ANK1: variants seen among roughly 807,000 people sequenced by gnomAD.
ANK1 encodes the protein ankyrin 1, also known as ankyrin-1.
Under a neutral mutation model 210.4 loss-of-function variants are expected in ANK1, and 51 were observed. The ratio of observed to expected loss-of-function variants is 0.24; its 90% CI spans 0.19 to 0.31. ANK1 has a LOEUF of 0.31. Among genes scored for constraint, ANK1 ranks in the 10% least tolerant of loss-of-function variants. ANK1 has a pLI of 1.00. For missense variants in ANK1, 2,051 were observed against 2,504.4 expected, an observed-to-expected ratio of 0.82 and a Z score of 3.86; for synonymous variants, 967 against 1,025.9, an observed-to-expected ratio of 0.94 and a Z score of 1.10.
At chr8:41,797,712 G>A (rs1849052999), upstream of ANK1, 5 of 1,013,248 alleles carry the variant, frequency 4.9e-6, no homozygotes, top group Non-Finnish European at 2.7e-6. This position sits in a 1 kb window ranked among gnomAD's most constrained non-coding sequence, Gnocchi z 4.0. Context: ...CGGCACGGGC[G>A]GGCGGAGGGG....
At chr8:41,840,029 T>A (rs1486071152) in intron 1 of ANK1, 2 of 152,174 alleles carry the variant, frequency 1.3e-5, no homozygotes, top group African/African-American at 2.4e-5. Flanking sequence ...ACTTGTTTTT[T>A]TTTTCTTTTA....
intron 37 of ANK1, among the ~76,000 whole-genome samples, chr8:41,677,881 C>T (rs978624055): frequency 3.9e-5 from 6 of 152,108 alleles, no homozygotes; most frequent in Non-Finnish European, 5.9e-5. Flanking sequence ...TGAACCACTG[C>T]ACCTGGCCTT....
At chr8:41,701,747 C>T in intron 21 of ANK1, 125 bp from the exon 22 acceptor site, 2 of 1,042,426 alleles carry the variant, frequency 1.9e-6, no homozygotes, top group East Asian at 2.6e-5. Flanking sequence ...ACGGAGGAGG[C>T]GCTCAGCCTG....
At chr8:41,736,719 C>A (rs1683569067) in intron 2 of ANK1, among the ~76,000 whole-genome samples, 1 of 152,238 alleles carries the variant, frequency 6.6e-6, no homozygotes, top group South Asian at 2.1e-4. Context: ...ATAGCTAATG[C>A]TTGCCGCTAA....
chr8:41,887,629 A>G (rs1818689266), intron 1 of ANK1, among the ~76,000 whole-genome samples: 2 of 152,204 alleles, frequency 1.3e-5, no homozygotes, highest in Non-Finnish European at 2.9e-5. Flanking sequence ...AACACACATG[A>G]CAAAGATGAC....
chr8:41,688,004 C>CT (rs375739022), intron 35 of ANK1, 152 bp downstream of exon 35: 3 of 956,018 alleles, frequency 3.1e-6, no homozygotes, highest in South Asian at 1.4e-5. Context: ...AATGGTGTGG[C>CT]TTGGGCAGCA....
In ANK1 at chr8:41,704,493, A is replaced by G. The variant is rs774713603; in HGVS notation, c.2098-21T>C. On this transcript the variant is annotated intron_variant, in intron 18 of 42. Coordinates refer to ENST00000289734, the MANE Select transcript of ANK1 (RefSeq NM_000037.4). The surrounding 1 kb of genome is among the most constrained non-coding windows in gnomAD (Gnocchi z 4.1). ...CCCATCTGAAAAGCAGATGAGAAGG[A>G]GTGACCGGAGCTGTCCTGAGCTGGG... 1.3e-6 allele frequency: 2 copies of G among 1,598,812 alleles called. No homozygotes were observed. The highest frequency in any genetic ancestry group is 4.5e-5 in the East Asian group (2 of 44,784).
At chr8:41,677,572 TTC>T (rs1299828083) in intron 37 of ANK1, among the ~76,000 whole-genome samples, 3 of 148,036 alleles carry the variant, frequency 2.0e-5, no homozygotes, top group Non-Finnish European at 4.5e-5. Context: ...CTTCTGTTGT[TTC>T]TTTTTTTCCC....
intron 1 of ANK1, among the ~76,000 whole-genome samples, chr8:41,870,849 T>TG (rs1815339898): frequency 6.6e-6 from 1 of 152,192 alleles, no homozygotes; most frequent in African/African-American, 2.4e-5. Flanking sequence ...GTGGTGCTGC[T>TG]GGGGGTCATG....
At chr8:41,735,605 GT>G (rs1833227364) in intron 2 of ANK1, among the ~76,000 whole-genome samples, 1 of 152,118 alleles carries the variant, frequency 6.6e-6, no homozygotes, top group African/African-American at 2.4e-5. Context: ...CCCACCCTGC[GT>G]TCCTCGAATT....
intron 36 of ANK1, 152 bp downstream of exon 36, chr8:41,686,000 G>T: frequency 8.1e-7 from 1 of 1,235,458 alleles, no homozygotes; most frequent in Non-Finnish European, 1.2e-6. Flanking sequence ...CTGCCTGGAA[G>T]ACCTCCTGAT....
intron 2 of ANK1, among the ~76,000 whole-genome samples, chr8:41,736,580 T>C (rs1479659522): frequency 6.6e-6 from 1 of 152,130 alleles, no homozygotes; most frequent in African/African-American, 2.4e-5. Flanking sequence ...TGACTCGCAG[T>C]GGCAGCCAGC....
Position 41,708,794 on chromosome 8 carries a change from C to T in ANK1, c.1982G>A (p.Gly661Asp), listed in dbSNP as rs921218224. The change falls in exon 17 of 43, where the codon GGC becomes GAC. Residue 661 changes from glycine to aspartate, a missense_variant. Around this residue, in one of 6 missense-constraint regions of ANK1, gnomAD observed 1,413 missense variants for 1,707.4 expected, o/e 0.83. Transcript: ENST00000289734. ...VALLLSKQAN[G>D]NLGNKSGLTP... is the part of the protein sequence containing the mutation. ...CATGCCTACCTTGTTCCCCAGGTTG[C>T]CATTGGCTTGTTTCGAGAGCAGCAG... 2 of 1,613,992 alleles carry T rather than the reference C, an allele frequency of 1.2e-6. No individual in the cohort carries two copies. Among genetic ancestry groups the T allele is most frequent in the Non-Finnish European group, 1.7e-6 (2 of 1,180,036 alleles).
chr8:41,841,337 A>G (rs1167412257), intron 1 of ANK1, among the ~76,000 whole-genome samples: 1 of 152,194 alleles, frequency 6.6e-6, no homozygotes, highest in Non-Finnish European at 1.5e-5. Context: ...AAATAGTCAA[A>G]CCCATAAAAG....
intron 40 of ANK1, among the ~76,000 whole-genome samples, 158 bp from the exon 41 acceptor site, chr8:41,662,099 A>C (rs987401237): frequency 8.5e-5 from 13 of 152,158 alleles, no homozygotes; most frequent in Admixed American, 6.5e-5. Context: ...TCTACTAAAA[A>C]TACAAAAATT....
rs143144412 is a variant in ANK1, at chr8:41,844,166, C to T, written c.126+52189G>A. Among the ~76,000 whole-genome samples the T allele has an allele frequency of 8.8e-4, 134 of 152,350 alleles. 1 individual carries two copies. The highest frequency in any genetic ancestry group is 3.5e-3 in the South Asian group (17 of 4,830). On this transcript the variant is annotated intron_variant, in intron 1 of 42. Coordinates refer to the ANK1 transcript ENST00000265709. Reference sequence around the variant, plus strand: ...GGGATTACAAGCGTGAGCCACTTCACCTGGCCTGTCCCTGCCTTTTGAGAG... The same window carrying T: ...GGGATTACAAGCGTGAGCCACTTCATCTGGCCTGTCCCTGCCTTTTGAGAG...
intron 34 of ANK1, 96 bp from the exon 35 acceptor site, chr8:41,688,326 A>G (rs1216658502): frequency 2.3e-5 from 34 of 1,466,150 alleles, no homozygotes; most frequent in South Asian, 1.1e-5. Flanking sequence ...TTCCGTGTGC[A>G]CTGGGGTGAT....
At chr8:41,811,187 C>A (rs968881340) in intron 1 of ANK1, among the ~76,000 whole-genome samples, 2 of 152,120 alleles carry the variant, frequency 1.3e-5, no homozygotes, top group African/African-American at 2.4e-5. Flanking sequence ...AAGCTCAAGC[C>A]GCTACCATAA....
intron 10 of ANK1, 107 bp downstream of exon 10, chr8:41,719,554 A>T: frequency 7.0e-7 from 1 of 1,438,272 alleles, no homozygotes; most frequent in South Asian, 1.2e-5. Context: ...GAATCTGGGG[A>T]GCTCCGGGCA....
Sources: allele counts gnomAD v4.1 joint callset (sites outside exome capture counted in the v4.1 genomes callset), GRCh38; gene constraint gnomAD v4.1.1; regional missense constraint gnomAD v4.1.1; non-coding constraint Gnocchi (gnomAD v3.1); transcripts MANE v1.5; gene names NCBI Gene and HGNC (gene_info 2026-07-23, HGNC 2026-07-21).